ANAPC10: variants seen among roughly 807,000 people sequenced by gnomAD.
The protein encoded by ANAPC10 is anaphase-promoting complex subunit 10.
ANAPC10 carries 12 observed loss-of-function variants against 22.0 expected under a neutral mutation model. The observed-to-expected ratio is 0.55, with a 90% confidence interval of 0.35 to 0.88. The LOEUF is 0.88. Ranked by LOEUF, ANAPC10 falls within the 40% of genes least tolerant of loss-of-function variation. The pLI is 0.01. For synonymous variants in ANAPC10, 65 were observed against 69.5 expected, an observed-to-expected ratio of 0.94 and a Z score of 0.32; for missense variants, 188 against 220.9, an observed-to-expected ratio of 0.85 and a Z score of 0.94.
chr4:145,029,701 G>A (rs1737262836), intron 4 of ANAPC10, among the ~76,000 whole-genome samples: 1 of 152,176 alleles, frequency 6.6e-6, no homozygotes, highest in Non-Finnish European at 1.5e-5. Flanking sequence ...ATGGCCCACT[G>A]TGAGAGAGGT....
At chr4:145,066,036 A>G (rs1020555506) in intron 3 of ANAPC10, among the ~76,000 whole-genome samples, 2 of 152,226 alleles carry the variant, frequency 1.3e-5, no homozygotes, top group Middle Eastern at 3.4e-3. Flanking sequence ...ATCTATTTAC[A>G]TGTGCTTTAA....
At chr4:145,015,007 G>A (rs1734882851) in intron 4 of ANAPC10, among the ~76,000 whole-genome samples, 1 of 152,052 alleles carries the variant, frequency 6.6e-6, no homozygotes, top group South Asian at 2.1e-4. Context: ...AACCAACCCT[G>A]GTAATATGAC....
At chr4:145,047,695 G>A (rs2127177765) in intron 4 of ANAPC10, among the ~76,000 whole-genome samples, 1 of 152,158 alleles carries the variant, frequency 6.6e-6, no homozygotes, top group South Asian at 2.1e-4. Flanking sequence ...CTTAAAGTCA[G>A]GAACACTTCT....
chr4:145,036,839 A>C (rs771221193), intron 4 of ANAPC10, among the ~76,000 whole-genome samples: 6 of 152,184 alleles, frequency 3.9e-5, no homozygotes, highest in Non-Finnish European at 7.4e-5. Context: ...CACTCAATTA[A>C]TGCTGAGGTA....
At chr4:145,090,801 C>G (rs966546005) in intron 2 of ANAPC10, among the ~76,000 whole-genome samples, 3 of 152,156 alleles carry the variant, frequency 2.0e-5, no homozygotes, top group African/African-American at 7.2e-5. Flanking sequence ...TTAATTATTA[C>G]ATTATGTAGT....
intron 3 of ANAPC10, among the ~76,000 whole-genome samples, chr4:145,077,124 G>A (rs1040451607): frequency 2.7e-4 from 41 of 152,090 alleles, no homozygotes; most frequent in Non-Finnish European, 4.6e-4. Context: ...GCGTGAAACC[G>A]GGAGGCGGAG....
intron 4 of ANAPC10, among the ~76,000 whole-genome samples, chr4:145,052,091 G>GTAAA (rs1386655876): frequency 1.3e-5 from 2 of 152,162 alleles, no homozygotes; most frequent in Non-Finnish European, 2.9e-5. Context: ...TAGGATGATG[G>GTAAA]TTACCTGGGG....
intron 3 of ANAPC10, among the ~76,000 whole-genome samples, chr4:145,076,619 AT>A (rs1016672384): frequency 4.6e-5 from 7 of 152,226 alleles, no homozygotes; most frequent in African/African-American, 1.7e-4. Context: ...AATGACAGAC[AT>A]TTGGAATTCA....
chr4:145,074,542 T>A (rs1289225220), intron 3 of ANAPC10, among the ~76,000 whole-genome samples: 1 of 152,188 alleles, frequency 6.6e-6, no homozygotes, highest in African/African-American at 2.4e-5. Flanking sequence ...ATTCTTGAAT[T>A]TGGAAATATT....
At chr4:145,069,131 A>G (rs1744123206) in intron 3 of ANAPC10, among the ~76,000 whole-genome samples, 1 of 152,166 alleles carries the variant, frequency 6.6e-6, no homozygotes, top group African/African-American at 2.4e-5. Context: ...CCCACTACAG[A>G]CAACTAGAAT....
chr4:145,036,173 G>T (rs1470954088), intron 4 of ANAPC10, among the ~76,000 whole-genome samples: 2 of 152,072 alleles, frequency 1.3e-5, no homozygotes, highest in South Asian at 4.1e-4. Context: ...ATGAAAACAT[G>T]CATAATGATT....
At position 145,055,136 on chromosome 4, in the gene ANAPC10, T is replaced by C. The variant is rs139345923; in HGVS notation, c.327+9436A>G. On this transcript the variant is annotated intron_variant, in intron 4 of 4. Coordinates refer to ENST00000507656, the MANE Select transcript of ANAPC10 (RefSeq NM_001256706.2). Reference sequence around the variant, plus strand: ...TAAAGGATCTTAAGATAAGTGTACATCCACTGTTCACAGCACTACTATTCA... The same window carrying C: ...TAAAGGATCTTAAGATAAGTGTACACCCACTGTTCACAGCACTACTATTCA... Among the ~76,000 whole-genome samples the C allele has an allele frequency of 4.4e-3, 668 of 152,234 alleles. 3 individuals are homozygous for C. Among genetic ancestry groups the C allele is most frequent in the African/African-American group, 0.015 (614 of 41,522 alleles).
intron 2 of ANAPC10, among the ~76,000 whole-genome samples, chr4:145,089,478 T>C (rs1425307164): frequency 2.0e-5 from 3 of 152,180 alleles, no homozygotes; most frequent in African/African-American, 7.2e-5. Context: ...TATGAAATGA[T>C]TAAATTATTT....
At chr4:145,087,205 G>A (rs750078346) in intron 2 of ANAPC10, among the ~76,000 whole-genome samples, 27 of 152,114 alleles carry the variant, frequency 1.8e-4, no homozygotes, top group Admixed American at 1.3e-4. Flanking sequence ...AGGGTTGTTC[G>A]TTAAGCAGCA....
intron 4 of ANAPC10, among the ~76,000 whole-genome samples, chr4:145,003,992 T>A (rs1304534919): frequency 6.6e-6 from 1 of 152,108 alleles, no homozygotes; most frequent in African/African-American, 2.4e-5. Context: ...TTTTCTCATG[T>A]GTTTGTATCA....
chr4:145,097,559 C>A, intron 1 of ANAPC10: 1 of 1,286,432 alleles, frequency 7.8e-7, no homozygotes, highest in Non-Finnish European at 1.0e-6. Flanking sequence ...GCACTTGATA[C>A]TTACTAAATA....
At chr4:145,005,193 G>C (rs952069945) in intron 4 of ANAPC10, among the ~76,000 whole-genome samples, 2 of 152,050 alleles carry the variant, frequency 1.3e-5, no homozygotes, top group Non-Finnish European at 2.9e-5. Context: ...TGGGATTACA[G>C]GCGTGAACCA....
At chr4:145,078,039 A>G (rs984827742) in intron 3 of ANAPC10, among the ~76,000 whole-genome samples, 2 of 152,148 alleles carry the variant, frequency 1.3e-5, no homozygotes, top group African/African-American at 2.4e-5. Context: ...CAGGCAAGAG[A>G]AAAAATAAAA....
intron 4 of ANAPC10, among the ~76,000 whole-genome samples, chr4:145,040,931 T>C (rs1349970733): frequency 1.3e-5 from 2 of 152,158 alleles, no homozygotes; most frequent in African/African-American, 2.4e-5. Context: ...TATTAGTTAA[T>C]ATGCACAGAA....
Sources: gnomAD v4.1 joint callset for allele counts (sites outside exome capture counted in the v4.1 genomes callset) on GRCh38, gnomAD v4.1.1 for gene constraint, MANE v1.5 for transcripts, NCBI Gene and HGNC (gene_info 2026-07-23, HGNC 2026-07-21) for gene names.